PCLO: variants seen among roughly 807,000 people sequenced by gnomAD.
PCLO encodes the protein piccolo presynaptic cytomatrix protein.
Under a neutral mutation model 427.5 loss-of-function variants are expected in PCLO, and 82 were observed. That is an observed-to-expected ratio of 0.19 (90% CI 0.16 to 0.23). The LOEUF (loss-of-function observed/expected upper bound fraction) is 0.23, where lower values mean the gene tolerates loss of function less well. Among genes scored for constraint, PCLO ranks in the 10% least tolerant of loss-of-function variants. The pLI is 1.00. For synonymous variants in PCLO, 2,357 were observed against 2,155.4 expected (o/e 1.09, Z -2.59); for missense variants, 6,239 against 6,115.9 (o/e 1.02, Z -0.67).
rs1440041038 is a variant in PCLO, at chr7:82,757,935, G to A, written c.*640C>T. 3 of 151,944 alleles carry A rather than the reference G, an allele frequency of 2.0e-5. No individual in the cohort carries two copies. Among genetic ancestry groups the A allele is most frequent in the Non-Finnish European group, 4.4e-5 (3 of 67,924 alleles). 9.4% of individuals were successfully genotyped at this position (151,944 alleles called of 1,614,324 possible). A position where few individuals can be genotyped will look rare whatever the true frequency, so the allele number is the denominator to read the frequency against. On this transcript the variant is annotated 3_prime_UTR_variant, in exon 25 of 25. Transcript: ENST00000333891. ...GTGCTTTTACCACATGGATTCCAAAGTCAGTGTTGTATATGCTTGTAACAT... is the reference window on the plus strand; with the variant it reads ...GTGCTTTTACCACATGGATTCCAAAATCAGTGTTGTATATGCTTGTAACAT...
intron 9 of PCLO, among the ~76,000 whole-genome samples, chr7:82,892,425 T>A (rs903654375): frequency 1.3e-5 from 2 of 152,122 alleles, no homozygotes; most frequent in African/African-American, 4.8e-5. Flanking sequence ...CAAAAATTAA[T>A]TCAAGATGGA....
At chr7:82,826,329 C>T (rs1299556064) in intron 18 of PCLO, among the ~76,000 whole-genome samples, 2 of 152,048 alleles carry the variant, frequency 1.3e-5, no homozygotes, top group East Asian at 1.9e-4. Flanking sequence ...TTTGGACTCA[C>T]AGTATGATTA....
intron 6 of PCLO, among the ~76,000 whole-genome samples, chr7:82,917,266 G>A (rs1794490229): frequency 6.6e-6 from 1 of 151,862 alleles, no homozygotes; most frequent in Non-Finnish European, 1.5e-5. Context: ...CCCCTGGAGT[G>A]GCTGTCATTC....
rs538452939 is a variant in PCLO, at chr7:83,139,079, A to G, written c.1894-3423T>C. On this transcript the variant is annotated intron_variant, in intron 2 of 24. Transcript: ENST00000333891. ...AATAGCGGAAAATATAGATGGCGGA[A>G]TTAAAGCCTCGTCATATTTTCTAAC... 2.2e-3 allele frequency among the ~76,000 whole-genome samples: 338 copies of G among 152,340 alleles called. 2 individuals carry two copies. The highest frequency in any genetic ancestry group is 7.5e-3 in the African/African-American group (311 of 41,566).
intron 3 of PCLO, among the ~76,000 whole-genome samples, chr7:83,122,398 G>A (rs557172338): frequency 4.1e-4 from 62 of 151,176 alleles, no homozygotes; most frequent in African/African-American, 1.4e-3. Flanking sequence ...TGATTCTCCA[G>A]CCTCAGCCTC....
chr7:82,776,116 A>G (rs1378628057), intron 22 of PCLO, among the ~76,000 whole-genome samples: 6 of 152,152 alleles, frequency 3.9e-5, no homozygotes, highest in Non-Finnish European at 8.8e-5. Context: ...TTGTTAACAA[A>G]TAATTGGTTT....
At chr7:82,766,415 G>A (rs1157530) in intron 22 of PCLO, among the ~76,000 whole-genome samples, 69,520 of 151,692 alleles carry the variant, frequency 0.46, 17,374 homozygotes, top group East Asian at 0.72. Flanking sequence ...CTAGTTAAAT[G>A]AGGTGGCAAA....
intron 3 of PCLO, among the ~76,000 whole-genome samples, chr7:83,073,391 G>A (rs1255082519): frequency 6.6e-6 from 1 of 152,022 alleles, no homozygotes; most frequent in Non-Finnish European, 1.5e-5. Context: ...TACTGTGCTA[G>A]ATGTTAAGAA....
intron 3 of PCLO, among the ~76,000 whole-genome samples, chr7:83,075,717 T>C (rs546284931): frequency 6.6e-6 from 1 of 152,166 alleles, no homozygotes; most frequent in Non-Finnish European, 1.5e-5. Flanking sequence ...ATTACTCATA[T>C]GTATATACAC....
At chr7:83,024,784 G>A (rs994559962) in intron 3 of PCLO, among the ~76,000 whole-genome samples, 1 of 152,192 alleles carries the variant, frequency 6.6e-6, no homozygotes, top group East Asian at 1.9e-4. Flanking sequence ...GCCTCCTCAA[G>A]TGGGTCCCTG....
At chr7:82,961,385 A>G (rs1795652595) in intron 4 of PCLO, among the ~76,000 whole-genome samples, 1 of 152,172 alleles carries the variant, frequency 6.6e-6, no homozygotes, top group Non-Finnish European at 1.5e-5. Context: ...AATCACACAA[A>G]GGCATATTTG....
intron 10 of PCLO, among the ~76,000 whole-genome samples, chr7:82,867,318 C>T (rs1387232567): frequency 6.6e-6 from 1 of 152,152 alleles, no homozygotes; most frequent in Non-Finnish European, 1.5e-5. Flanking sequence ...CATTATGTTT[C>T]CTATATCTTA....
chr7:83,073,724 A>G (rs1421186659), intron 3 of PCLO, among the ~76,000 whole-genome samples: 3 of 151,802 alleles, frequency 2.0e-5, no homozygotes, highest in Non-Finnish European at 4.4e-5. Context: ...TGAAGCTGAA[A>G]TTCAGTTTTA....
rs1289612878 is a variant in PCLO at position 82,978,876 on chromosome 7, AC to A, written c.3301-12390del. 1.2e-3 allele frequency among the ~76,000 whole-genome samples: 181 copies of A among 151,506 alleles called. 1 individual carries two copies. Among genetic ancestry groups the A allele is most frequent in the Non-Finnish European group, 2.2e-3 (151 of 67,746 alleles). Reference sequence around the variant, plus strand: ...CACACAAACACACACACACACACACACACACACACACACACACACTCCACAA... The same window carrying A: ...CACACAAACACACACACACACACACAACACACACACACACACACTCCACAA... On this transcript the variant is annotated intron_variant, in intron 3 of 24. Coordinates refer to ENST00000333891, the MANE Select transcript of PCLO (RefSeq NM_033026.6).
At chr7:82,775,842 A>C (rs1173971930) in intron 22 of PCLO, among the ~76,000 whole-genome samples, 1 of 152,174 alleles carries the variant, frequency 6.6e-6, no homozygotes, top group Non-Finnish European at 1.5e-5. Flanking sequence ...ATTTTGCATT[A>C]AAGTCTATAA....
chr7:82,848,621 G>C lies in PCLO; in HGVS notation c.13655-1374C>G, dbSNP rs146890857. Among the ~76,000 whole-genome samples the C allele has an allele frequency of 6.1e-4, 93 of 151,988 alleles. No homozygotes were observed. In the Middle Eastern group the frequency reaches 0.014, roughly 23 times the overall value. ...CCACTGTGCCTGGCCTGAACCATTA[G>C]GTTTTTAATGAGCTTCACAGATGCC... On this transcript the variant is annotated intron_variant, in intron 10 of 24. Transcript: ENST00000333891.
chr7:83,083,002 C>T (rs932620481), intron 3 of PCLO, among the ~76,000 whole-genome samples: 1 of 151,618 alleles, frequency 6.6e-6, no homozygotes, highest in Admixed American at 6.6e-5. Flanking sequence ...AAAGAATTCT[C>T]ATAAATCAGT....
Position 83,124,299 on chromosome 7 carries a change from A to G in PCLO, c.3300+9951T>C, listed in dbSNP as rs374339428. On this transcript the variant is annotated intron_variant, in intron 3 of 24. Coordinates refer to ENST00000333891, the MANE Select transcript of PCLO (RefSeq NM_033026.6). ...GCCACTGCACTCTGAGCTTGCAGTG[A>G]GCCGAGATAGCACCACTGTACTCCA... Among the ~76,000 whole-genome samples the G allele has an allele frequency of 1.5e-3, 223 of 150,416 alleles. 1 individual carries two copies. Among genetic ancestry groups the G allele is most frequent in the African/African-American group, 5.2e-3 (212 of 40,858 alleles).
chr7:83,055,370 G>A (rs77433971), intron 3 of PCLO, among the ~76,000 whole-genome samples: 1,810 of 152,202 alleles, frequency 0.012, 9 homozygotes, highest in Non-Finnish European at 0.019. Context: ...AGGCTTTATG[G>A]AAAGCAAAAT....
Sources: allele counts gnomAD v4.1 joint callset (sites outside exome capture counted in the v4.1 genomes callset), GRCh38; gene constraint gnomAD v4.1.1; transcripts MANE v1.5; gene names NCBI Gene and HGNC (gene_info 2026-07-23, HGNC 2026-07-21).